Variants in ASXL1 observed in about 807,000 individuals in gnomAD.
ASXL1 encodes the protein polycomb group protein ASXL1.
A neutral mutation model predicts 89.1 loss-of-function variants in ASXL1; 65 were observed. The observed-to-expected ratio is 0.73, with a 90% CI of 0.60 to 0.90. The LOEUF (loss-of-function observed/expected upper bound fraction) is 0.90, where lower values mean the gene tolerates loss of function less well. Among genes scored for constraint, ASXL1 ranks in the 40% least tolerant of loss-of-function variants. The pLI, the probability that ASXL1 is intolerant of heterozygous loss-of-function variation, is 0.00. For synonymous variants in ASXL1, 739 were observed against 746.9 expected, an observed-to-expected ratio of 0.99 and a Z score of 0.17; for missense variants, 1,786 against 1,942.9, an observed-to-expected ratio of 0.92 and a Z score of 1.52.
chr20:32,378,379 T>A (rs543587542), intron 4 of ASXL1, among the ~76,000 whole-genome samples: 1 of 152,170 alleles, frequency 6.6e-6, no homozygotes, highest in Non-Finnish European at 1.5e-5. Context: ...TTTCCATTTT[T>A]GGCGTCAGGT....
chr20:32,359,222 C>A, intron 1 of ASXL1: 1 of 700,850 alleles, frequency 1.4e-6, no homozygotes, highest in South Asian at 1.5e-5. Flanking sequence ...GTCGGAAGCT[C>A]CTCCCTCGCT....
intron 4 of ASXL1, among the ~76,000 whole-genome samples, chr20:32,369,824 G>C (rs1468189468): frequency 6.9e-6 from 1 of 145,578 alleles, no homozygotes; most frequent in Non-Finnish European, 1.5e-5. Context: ...CACCTCCCAG[G>C]TTCAAGCAAT....
In ASXL1 at chr20:32,429,510, C is replaced by T. The variant is rs1600575382; in HGVS notation, c.565+79C>T. 2.1e-6 allele frequency: 3 copies of T among 1,419,732 alleles called. No individual in the cohort carries two copies. The highest frequency in any genetic ancestry group is 3.0e-6 in the Non-Finnish European group (3 of 1,005,454). The allele number at this position is 1,419,732 out of a possible 1,614,324, so 87.9% of individuals were successfully genotyped here. ...CCTCCCTCTGTCAGCAGTTTCTGAC[C>T]TAATAGTGCGATACTAGGAGAGCTG... On this transcript the variant is annotated intron_variant, in intron 7 of 12. Coordinates refer to ENST00000375687, the MANE Select transcript of ASXL1 (RefSeq NM_015338.6). This position sits in a 1 kb window ranked among gnomAD's most constrained non-coding sequence, Gnocchi z 4.9.
chr20:32,410,845 A>C (rs1435314485), intron 4 of ASXL1, among the ~76,000 whole-genome samples: 1 of 152,050 alleles, frequency 6.6e-6, no homozygotes, highest in Non-Finnish European at 1.5e-5. Flanking sequence ...CCTTGCCAAC[A>C]TGGTGAAACC....
chr20:32,382,643 A>G (rs1199920905), intron 4 of ASXL1, among the ~76,000 whole-genome samples: 3 of 148,964 alleles, frequency 2.0e-5, no homozygotes, highest in African/African-American at 7.4e-5. Flanking sequence ...CCTGTTAGCC[A>G]GGCGTGGTGG....
At chr20:32,430,854 G>C (rs2123231300) in intron 8 of ASXL1, 1 of 370,944 alleles carries the variant, frequency 2.7e-6, no homozygotes, top group East Asian at 4.5e-5. Flanking sequence ...CATCTCAGTT[G>C]GCTTTGAACA....
intron 4 of ASXL1, among the ~76,000 whole-genome samples, chr20:32,374,428 A>G (rs116578181): frequency 0.026 from 4,005 of 152,176 alleles, 174 homozygotes; most frequent in African/African-American, 0.092. Flanking sequence ...AGTAGCTGGG[A>G]CCACAGGCAT....
At chr20:32,391,089 T>C (rs1381529489) in intron 4 of ASXL1, among the ~76,000 whole-genome samples, 1 of 151,782 alleles carries the variant, frequency 6.6e-6, no homozygotes, top group Non-Finnish European at 1.5e-5. Flanking sequence ...AGGATCTCAC[T>C]CTGTTGCCCA....
chr20:32,394,638 A>C, intron 4 of ASXL1, among the ~76,000 whole-genome samples: 1 of 152,204 alleles, frequency 6.6e-6, no homozygotes, highest in East Asian at 1.9e-4. Flanking sequence ...TATGTTTGTC[A>C]TACACTTCAC....
At chr20:32,426,531 A>G (rs2011291608) in intron 4 of ASXL1, among the ~76,000 whole-genome samples, 2 of 146,974 alleles carry the variant, frequency 1.4e-5, no homozygotes, top group Non-Finnish European at 3.0e-5. Context: ...AAGATGTAGA[A>G]AACTGTTTTC....
chr20:32,365,218 A>G (rs2048185764), intron 1 of ASXL1, among the ~76,000 whole-genome samples: 1 of 152,200 alleles, frequency 6.6e-6, no homozygotes, highest in Admixed American at 6.5e-5. Flanking sequence ...GGTAGAGATT[A>G]GGTAGTTATC....
At chr20:32,392,496 GATC>G (rs2048690353) in intron 4 of ASXL1, among the ~76,000 whole-genome samples, 1 of 148,478 alleles carries the variant, frequency 6.7e-6, no homozygotes, top group Admixed American at 6.7e-5. Context: ...TGGCCAGGCT[GATC>G]TTGAACTCTT....
chr20:32,370,327 A>C (rs1198560514), intron 4 of ASXL1, among the ~76,000 whole-genome samples: 1 of 151,840 alleles, frequency 6.6e-6, no homozygotes, highest in African/African-American at 2.4e-5. Flanking sequence ...TGTTTTGTGG[A>C]TCATACTGTC....
At chr20:32,364,465 ACCTTGGCCT>A (rs377242062) in intron 1 of ASXL1, among the ~76,000 whole-genome samples, 23 of 151,982 alleles carry the variant, frequency 1.5e-4, no homozygotes, top group African/African-American at 5.6e-4. Context: ...CAATCTGCCC[ACCTTGGCCT>A]CCCAAAGTGC....
chr20:32,365,052 A>C (rs1429411138), intron 1 of ASXL1, among the ~76,000 whole-genome samples: 1 of 152,216 alleles, frequency 6.6e-6, no homozygotes, highest in East Asian at 1.9e-4. Flanking sequence ...AAGGTAGGGA[A>C]TACAGGAAGA....
Position 32,435,006 on chromosome 20 carries a change from TG to T in ASXL1, c.2295del (p.Ser766ProfsTer6), listed in dbSNP as rs1182333587. 6.2e-7 allele frequency: 1 copy of T among 1,614,066 alleles called. No individual in the cohort carries two copies. The highest frequency in any genetic ancestry group is 8.5e-7 in the Non-Finnish European group (1 of 1,180,038). ...CAGCCATGCCAGGCCTTGCCCCTAC[TG>T]TCCTCCCAAACCTCAGTAGCTGAGA... is the stretch of plus-strand genomic sequence containing the variant. ...GDQPCQALPL[L>X]SSQTSVAERL... On this transcript the variant is annotated frameshift_variant, in exon 13 of 13. Transcript: ENST00000375687. LOFTEE classifies it low-confidence loss of function (END_TRUNC).
intron 4 of ASXL1, among the ~76,000 whole-genome samples, chr20:32,394,397 A>G (rs1212771192): frequency 6.6e-6 from 1 of 152,178 alleles, no homozygotes; most frequent in Non-Finnish European, 1.5e-5. Flanking sequence ...TTGGCCTCCC[A>G]AAGTGCTGGC....
intron 1 of ASXL1, among the ~76,000 whole-genome samples, chr20:32,365,913 C>CGGGCAGATCACCTGAGGT (rs1184463053): frequency 2.0e-5 from 3 of 152,066 alleles, no homozygotes; most frequent in Non-Finnish European, 4.4e-5. Context: ...GAGGCTGAGG[C>CGGGCAGATCACCTGAGGT]GGGCAGATCA....
chr20:32,411,616 A>G (rs993317235), intron 4 of ASXL1, among the ~76,000 whole-genome samples: 1 of 143,382 alleles, frequency 7.0e-6, no homozygotes, highest in Non-Finnish European at 1.5e-5. Flanking sequence ...ATCTTGGCTC[A>G]CTGCAGCCTC....
Sources: allele counts gnomAD v4.1 joint callset (sites outside exome capture counted in the v4.1 genomes callset), GRCh38; gene constraint gnomAD v4.1.1; non-coding constraint Gnocchi (gnomAD v3.1); transcripts MANE v1.5; gene names NCBI Gene and HGNC (gene_info 2026-07-23, HGNC 2026-07-21).